LCTL: variants seen among roughly 807,000 people sequenced by gnomAD.
LCTL encodes the protein lactase-like protein.
Under a neutral mutation model 75.8 loss-of-function variants are expected in LCTL, and 76 were observed. The ratio of observed to expected loss-of-function variants is 1.00; its 90% CI spans 0.83 to 1.21. The LOEUF (loss-of-function observed/expected upper bound fraction) is 1.21, where lower values mean the gene tolerates loss of function less well. Among genes scored for constraint, LCTL ranks in the 50% most tolerant of loss-of-function variants. LCTL has a pLI of 0.00. For missense variants in LCTL, 670 were observed against 712.4 expected, an observed-to-expected ratio of 0.94 and a Z score of 0.68; for synonymous variants, 271 against 268.8, an observed-to-expected ratio of 1.01 and a Z score of -0.08.
chr15:66,563,455 C>G (rs1895943445), intron 4 of LCTL, 61 bp downstream of exon 5: 1 of 1,199,472 alleles, frequency 8.3e-7, no homozygotes, highest in South Asian at 1.3e-5. Context: ...AGTCCTCAAA[C>G]TGGGCTCCCT....
In LCTL at chr15:66,564,511, C is replaced by T. The variant is rs547911272; in HGVS notation, c.282+165G>A. On this transcript the variant is annotated intron_variant, in intron 2 of 12. Coordinates refer to ENST00000341509, the Ensembl canonical transcript of LCTL. The stretch of plus-strand genomic sequence containing the variant: ...CCTCCCAAACCTTCACCCCCACTGG[C>T]CCTGCCCCCTCTGGCTGCACTGGGG... 2.6e-5 allele frequency: 20 copies of T among 762,394 alleles called. No individual in the cohort carries two copies. In the East Asian group the frequency reaches 5.6e-4, roughly 21 times the overall value. 47.2% of individuals were successfully genotyped at this position (762,394 alleles called of 1,614,324 possible). A position where few individuals can be genotyped will look rare whatever the true frequency, so the allele number is the denominator to read the frequency against.
At chr15:66,560,285 G>A (rs1895854379) in intron 6 of LCTL, among the ~76,000 whole-genome samples, 1 of 152,110 alleles carries the variant, frequency 6.6e-6, no homozygotes. Context: ...AATCCCGCAT[G>A]CCTCGTATCC....
exon 13 of LCTL, chr15:66,548,575 G>T: frequency 6.2e-7 from 1 of 1,611,476 alleles, no homozygotes; most frequent in African/African-American, 1.3e-5. Context: ...CACGATCTCC[G>T]TAACCATTTG....
exon 13 of LCTL, chr15:66,548,299 GT>G (rs566686893): frequency 0.016 from 5,329 of 340,674 alleles, no homozygotes; most frequent in East Asian, 0.021. Flanking sequence ...GATTACAAGT[GT>G]TTTTTTTTTT....
chr15:66,563,816 C>T, intron 3 of LCTL, 95 bp downstream of exon 4: 1 of 1,022,480 alleles, frequency 9.8e-7, no homozygotes, highest in East Asian at 2.4e-5. Flanking sequence ...CGTTCATGGG[C>T]TGATCTCCCT....
Position 66,548,625 on chromosome 15 carries a change from G to T in LCTL, c.1589-20C>A, listed in dbSNP as rs566134777. The T allele has an allele frequency of 7.9e-7, 1 of 1,260,038 alleles. No individual in the cohort carries two copies. Among genetic ancestry groups the T allele is most frequent in the Non-Finnish European group, 1.2e-6 (1 of 857,790 alleles). The allele number at this position is 1,260,038 out of a possible 1,614,324, so 78.1% of individuals were successfully genotyped here. ...AGGGCTCTGAAATGACAAAGAGAACGAGCACCACAAATGAGAACAGGATCA... is the reference window on the plus strand; with the variant it reads ...AGGGCTCTGAAATGACAAAGAGAACTAGCACCACAAATGAGAACAGGATCA... On this transcript the variant is annotated intron_variant, in intron 12 of 12. Transcript: ENST00000341509.
rs542716492 is a variant in LCTL at position 66,554,129 on chromosome 15, A to G, written c.923-871T>C. ...AACATGGTGAAACCCCATCTCTACT[A>G]AAAATACAAAAATTAGCCAGGGGTG... On this transcript the variant is annotated intron_variant, in intron 8 of 12. Coordinates refer to ENST00000341509, the Ensembl canonical transcript of LCTL. Among the ~76,000 whole-genome samples, 5 of 151,972 alleles carry G rather than the reference A, an allele frequency of 3.3e-5. 1 individual carries two copies. The highest frequency in any genetic ancestry group is 9.7e-5 in the African/African-American group (4 of 41,430).
intron 12 of LCTL, chr15:66,549,796 A>G (rs980506400): frequency 4.8e-5 from 16 of 329,940 alleles, no homozygotes; most frequent in South Asian, 8.7e-5. Context: ...ATTTATAGGT[A>G]TGATTCTGAA....
chr15:66,563,356 G>A (rs182617952), intron 4 of LCTL, among the ~76,000 whole-genome samples, 160 bp downstream of exon 5: 2 of 152,362 alleles, frequency 1.3e-5, no homozygotes, highest in Admixed American at 1.3e-4. Flanking sequence ...GATTAAGACA[G>A]TGAGTCAGAG....
chr15:66,562,445 A>G (rs944255624), intron 4 of LCTL, among the ~76,000 whole-genome samples: 3 of 151,968 alleles, frequency 2.0e-5, no homozygotes, highest in African/African-American at 7.2e-5. Context: ...TGCTTGAATC[A>G]CAGTGACATA....
exon 13 of LCTL, chr15:66,548,350 G>T: frequency 2.2e-6 from 1 of 452,940 alleles, no homozygotes; most frequent in Non-Finnish European, 3.9e-6. Flanking sequence ...TTAAATCCCA[G>T]CACAAGCCAA....
At chr15:66,548,541 A>G in exon 13 of LCTL, 1 of 1,613,852 alleles carries the variant, frequency 6.2e-7, no homozygotes, top group African/African-American at 1.3e-5. Flanking sequence ...TGATGAGGAC[A>G]CAGAGGGAGC....
At chr15:66,547,961 A>AT (rs144941212) in exon 13 of LCTL, 8,631 of 152,056 alleles carry the variant, frequency 0.057, 341 homozygotes, top group Middle Eastern at 0.11. Context: ...TAGTTTCTAT[A>AT]TTTTTAGTAG....
At chr15:66,563,868 G>A (rs780991904) in intron 3 of LCTL, 43 bp downstream of exon 4, 1 of 1,490,370 alleles carries the variant, frequency 6.7e-7, no homozygotes, top group Admixed American at 1.7e-5. Flanking sequence ...AACATTGCCG[G>A]AAGGGGCCTC....
chr15:66,564,944 A>G (rs1327422789), intron 1 of LCTL, 105 bp from the exon 3 acceptor site: 51 of 1,066,552 alleles, frequency 4.8e-5, no homozygotes, highest in Middle Eastern at 2.5e-4. Context: ...CCTCCCTACC[A>G]CGCTGCCCCT....
intron 9 of LCTL, among the ~76,000 whole-genome samples, 172 bp downstream of exon 10, chr15:66,552,812 G>T (rs1207340630): frequency 6.6e-6 from 1 of 152,138 alleles, no homozygotes; most frequent in East Asian, 1.9e-4. Context: ...ACATGCAAAT[G>T]GTTATGCATG....
At chr15:66,565,308 C>G in exon 1 of LCTL, 1 of 1,613,832 alleles carries the variant, frequency 6.2e-7, no homozygotes, top group Middle Eastern at 1.7e-4. Flanking sequence ...CGGGCGGCCC[C>G]CAGCCTGGGC....
At chr15:66,563,035 T>A (rs1895932060) in intron 4 of LCTL, among the ~76,000 whole-genome samples, 1 of 152,240 alleles carries the variant, frequency 6.6e-6, no homozygotes, top group South Asian at 2.1e-4. Context: ...GTGCTTTGGT[T>A]TGAATGTTTC....
At chr15:66,564,075 C>T (rs916624848) in intron 2 of LCTL, 77 bp from the exon 4 acceptor site, 9 of 917,610 alleles carry the variant, frequency 9.8e-6, no homozygotes, top group South Asian at 2.6e-5. Context: ...GCTCTAGGGC[C>T]GAGGCTCACT....
Sources: gnomAD v4.1 joint callset for allele counts (sites outside exome capture counted in the v4.1 genomes callset) on GRCh38, gnomAD v4.1.1 for gene constraint, MANE v1.5 for transcripts, NCBI Gene and HGNC (gene_info 2026-07-23, HGNC 2026-07-21) for gene names.